CNNM4: variants seen among roughly 807,000 people sequenced by gnomAD.
CNNM4 encodes cyclin and CBS domain divalent metal cation transport mediator 4, also known as metal transporter CNNM4.
CNNM4 carries 32 observed loss-of-function variants against 53.7 expected under a neutral mutation model. The observed-to-expected ratio is 0.60, with a 90% CI of 0.45 to 0.80. The LOEUF (loss-of-function observed/expected upper bound fraction) is 0.80, where lower values mean the gene tolerates loss of function less well. CNNM4 is among the 30% of genes least tolerant of loss of function. The pLI, the probability that CNNM4 is intolerant of heterozygous loss-of-function variation, is 0.00. For missense variants in CNNM4, 784 were observed against 1,022.0 expected, an observed-to-expected ratio of 0.77 and a Z score of 3.17; for synonymous variants, 410 against 440.0, an observed-to-expected ratio of 0.93 and a Z score of 0.85.
chr2:96,793,442 GT>G (rs1208008751), intron 1 of CNNM4, among the ~76,000 whole-genome samples: 2 of 152,226 alleles, frequency 1.3e-5, no homozygotes, highest in Non-Finnish European at 2.9e-5. Flanking sequence ...CCATCAGGCA[GT>G]GCCCAAAGCT....
Position 96,761,992 on chromosome 2 carries a change from G to A in CNNM4, c.993G>A (p.Glu331=). 1 of 1,614,176 alleles carries A rather than the reference G, an allele frequency of 6.2e-7. No homozygotes were observed. Among genetic ancestry groups the A allele is most frequent in the Non-Finnish European group, 8.5e-7 (1 of 1,180,038 alleles). ...TCCTGGACTTTTTTCTGGGCCAGGA[G>A]ATTCGCACTGTTTACAACCGGGAGA... ...SKLLDFFLGQ[E]IRTVYNREKL... is the part of the protein sequence containing the mutation. Residue 331 remains glutamate (E), a synonymous_variant, in exon 1 of 7, where the codon GAG becomes GAA. Transcript: ENST00000377075. The surrounding 1 kb of genome is among the most constrained non-coding windows in gnomAD (Gnocchi z 6.0).
intron 1 of CNNM4, among the ~76,000 whole-genome samples, chr2:96,782,411 C>CAAA (rs763103436): frequency 1.2e-5 from 1 of 81,144 alleles, no homozygotes; most frequent in African/African-American, 3.9e-5. Context: ...GACATTGTCT[C>CAAA]AAAAAAAAAA....
chr2:96,809,684 T>A lies in CNNM4; in HGVS notation c.*167T>A. The A allele has an allele frequency of 4.7e-6, 3 of 639,158 alleles. No homozygotes were observed. Among genetic ancestry groups the A allele is most frequent in the Non-Finnish European group, 8.2e-6 (3 of 366,536 alleles). 39.6% of individuals were successfully genotyped at this position (639,158 alleles called of 1,614,324 possible). ...GGATCTGGCCTCTGCCAGGGACCTC[T>A]GAGTAGCTCTGAGGTGGCACTGTCC... On this transcript the variant is annotated 3_prime_UTR_variant, in exon 7 of 7. Transcript: ENST00000377075.
At chr2:96,785,294 G>A (rs1021317280) in intron 1 of CNNM4, among the ~76,000 whole-genome samples, 2 of 151,890 alleles carry the variant, frequency 1.3e-5, no homozygotes, top group African/African-American at 4.8e-5. Flanking sequence ...TACATGTGCT[G>A]TTATACTAGT....
chr2:96,789,265 A>G (rs1157089838), intron 1 of CNNM4, among the ~76,000 whole-genome samples: 1 of 152,194 alleles, frequency 6.6e-6, no homozygotes, highest in African/African-American at 2.4e-5. Flanking sequence ...CAACATGGCT[A>G]ACACCCAGGG....
chr2:96,806,531 A>ACGCGCGCG lies in CNNM4; in HGVS notation c.1949-2029_1949-2028insGCGCGCGC, dbSNP rs1439016674. The stretch of plus-strand genomic sequence containing the variant: ...AACACACACACACACACACACACAC[A>ACGCGCGCG]CACACGCGCGCGCGCGCGCGCGCCC... On this transcript the variant is annotated intron_variant, in intron 5 of 6. Coordinates refer to ENST00000377075, the MANE Select transcript of CNNM4 (RefSeq NM_020184.4). Among the ~76,000 whole-genome samples the ACGCGCGCG allele has an allele frequency of 2.8e-5, 4 of 140,400 alleles. 1 individual carries two copies. The highest frequency in any genetic ancestry group is 7.2e-5 in the Admixed American group (1 of 13,952). The allele number at this position is 140,400 out of a possible 152,430, so 92.1% of individuals were successfully genotyped here.
At chr2:96,796,932 G>A (rs192233731) in intron 1 of CNNM4, 80 bp from the exon 2 acceptor site, 16 of 1,468,002 alleles carry the variant, frequency 1.1e-5, no homozygotes, top group South Asian at 2.4e-5. Context: ...ATGACCCTAC[G>A]TCTAGAGTTA....
In CNNM4 at chr2:96,808,472, C is replaced by G; in HGVS notation, c.1949-89C>G. 1 of 1,395,748 alleles carries G rather than the reference C, an allele frequency of 7.2e-7. No homozygotes were observed. Among genetic ancestry groups the G allele is most frequent in the East Asian group, 2.4e-5 (1 of 42,342 alleles). 86.5% of individuals were successfully genotyped at this position (1,395,748 alleles called of 1,614,324 possible). A position where few individuals can be genotyped will look rare whatever the true frequency, so the allele number is the denominator to read the frequency against. On this transcript the variant is annotated intron_variant, in intron 5 of 6. Coordinates refer to ENST00000377075, the MANE Select transcript of CNNM4 (RefSeq NM_020184.4). The surrounding 1 kb of genome is among the most constrained non-coding windows in gnomAD (Gnocchi z 4.9). The stretch of plus-strand genomic sequence containing the variant: ...ACTTCCTGTTCCTGGGTGGGGTGTC[C>G]CTGGGCTTCCATGGGATGAGGTGAG...
At chr2:96,782,632 C>T (rs2078984529) in intron 1 of CNNM4, among the ~76,000 whole-genome samples, 1 of 152,108 alleles carries the variant, frequency 6.6e-6, no homozygotes, top group Non-Finnish European at 1.5e-5. Flanking sequence ...ATCACCTCAA[C>T]TGTTGCTATA....
intron 1 of CNNM4, among the ~76,000 whole-genome samples, chr2:96,779,806 A>ATT (rs776999926): frequency 2.1e-5 from 3 of 141,776 alleles, no homozygotes; most frequent in African/African-American, 5.2e-5. Flanking sequence ...AAGACTTGAC[A>ATT]TTTTTTTTTT....
At chr2:96,773,313 G>A (rs761229719) in intron 1 of CNNM4, among the ~76,000 whole-genome samples, 3 of 152,162 alleles carry the variant, frequency 2.0e-5, no homozygotes, top group African/African-American at 4.8e-5. Flanking sequence ...GAGGTAAGGC[G>A]TGCAAGGTGC....
Position 96,809,649 on chromosome 2 carries a change from A to ATAGGCTGGGG in CNNM4, c.*132_*133insTAGGCTGGGG. ...CTGACTGAACAGCCAGATGGCCCCCAGCCTATGGGGGATCTGGCCTCTGCC... is the reference window on the plus strand; with the variant it reads ...CTGACTGAACAGCCAGATGGCCCCCATAGGCTGGGGGCCTATGGGGGATCTGGCCTCTGCC... On this transcript the variant is annotated 3_prime_UTR_variant, in exon 7 of 7. Transcript: ENST00000377075. The ATAGGCTGGGG allele has an allele frequency of 1.3e-6, 1 of 797,588 alleles. No individual in the cohort carries two copies. Among genetic ancestry groups the ATAGGCTGGGG allele is most frequent in the Non-Finnish European group, 2.0e-6 (1 of 492,858 alleles). 49.4% of individuals were successfully genotyped at this position (797,588 alleles called of 1,614,324 possible).
At chr2:96,784,018 G>A (rs2078996574) in intron 1 of CNNM4, among the ~76,000 whole-genome samples, 1 of 152,140 alleles carries the variant, frequency 6.6e-6, no homozygotes, top group Non-Finnish European at 1.5e-5. Context: ...TGGAAGGCAG[G>A]ATTATAAGTG....
At chr2:96,789,945 G>A (rs1476911933) in intron 1 of CNNM4, among the ~76,000 whole-genome samples, 11 of 69,016 alleles carry the variant, frequency 1.6e-4, no homozygotes, top group African/African-American at 3.0e-4. Context: ...CCCACCCCCC[G>A]CCCCCGGCCC....
chr2:96,796,932 G>T, intron 1 of CNNM4, 80 bp from the exon 2 acceptor site: 1 of 1,468,120 alleles, frequency 6.8e-7, no homozygotes, highest in Admixed American at 1.8e-5. Context: ...ATGACCCTAC[G>T]TCTAGAGTTA....
intron 3 of CNNM4, 30 bp from the exon 4 acceptor site, chr2:96,799,027 G>C: frequency 6.2e-7 from 1 of 1,612,150 alleles, no homozygotes; most frequent in Middle Eastern, 1.7e-4. Context: ...GGCCAGCCCC[G>C]TGTGAGGTCT....
chr2:96,762,388 G>A lies in CNNM4; in HGVS notation c.1389G>A (p.Glu463=), dbSNP rs1014477517. ...FHDTKLDAML[E]EFKKGKSHLA... ...ACACCAAGTTGGATGCCATGCTGGA[G>A]GAGTTCAAGAAGGGTAAGGCCAGAT... The change falls in exon 1 of 7, where the codon GAG becomes GAA. Residue 463 remains glutamate (E), a synonymous_variant. Coordinates refer to ENST00000377075, the MANE Select transcript of CNNM4 (RefSeq NM_020184.4). 1.3e-5 allele frequency: 21 copies of A among 1,614,144 alleles called. No individual in the cohort carries two copies. The highest frequency in any genetic ancestry group is 1.0e-4 in the Admixed American group (6 of 60,012).
At chr2:96,788,212 A>AGT (rs966832788) in intron 1 of CNNM4, among the ~76,000 whole-genome samples, 4 of 150,928 alleles carry the variant, frequency 2.7e-5, no homozygotes, top group Admixed American at 2.0e-4. Context: ...CATGAGCCAC[A>AGT]GTGCCCTGCC....
At position 96,797,575 on chromosome 2, in the gene CNNM4, G is replaced by C; in HGVS notation, c.1609G>C (p.Asp537His). 1 of 1,614,210 alleles carries C rather than the reference G, an allele frequency of 6.2e-7. No individual in the cohort carries two copies. The highest frequency in any genetic ancestry group is 2.2e-5 in the East Asian group (1 of 44,892). Residue 537 changes from aspartate to histidine, a missense_variant, in exon 3 of 7, where the codon GAT becomes CAT. Coordinates refer to ENST00000377075, the MANE Select transcript of CNNM4 (RefSeq NM_020184.4). This position sits in a 1 kb window ranked among gnomAD's most constrained non-coding sequence, Gnocchi z 6.0. ...CAAGCGTGACTTCTCTGCCTTCAAG[G>C]ATGCGGACAATGAGCTCAAAGTGAA... The part of the protein sequence containing the change: ...KNKRDFSAFK[D>H]ADNELKVKIS...
Sources: gnomAD v4.1 joint callset for allele counts (sites outside exome capture counted in the v4.1 genomes callset) on GRCh38, gnomAD v4.1.1 for gene constraint, Gnocchi (gnomAD v3.1) non-coding constraint, MANE v1.5 for transcripts, NCBI Gene and HGNC (gene_info 2026-07-23, HGNC 2026-07-21) for gene names.